ATG3: variants seen among roughly 807,000 people sequenced by gnomAD.
The protein encoded by ATG3 is ubiquitin-like-conjugating enzyme ATG3.
In ATG3, 25 loss-of-function variants were observed where a neutral mutation model predicts 50.7. That is an observed-to-expected ratio of 0.49 (90% confidence interval 0.36 to 0.69). ATG3 has a LOEUF of 0.69. Ranked by LOEUF, ATG3 falls within the 30% of genes least tolerant of loss-of-function variation. The pLI is 0.00. For missense variants in ATG3, 281 were observed against 376.0 expected (o/e 0.75, Z 2.09); for synonymous variants, 119 against 125.5 (o/e 0.95, Z 0.34).
intron 5 of ATG3, among the ~76,000 whole-genome samples, chr3:112,546,208 T>C (rs1318396618): frequency 2.6e-5 from 4 of 152,150 alleles, no homozygotes; most frequent in African/African-American, 4.8e-5. Context: ...TCTATACCTA[T>C]ACCTATGCAA....
chr3:112,549,766 G>A (rs1352904647), intron 4 of ATG3, among the ~76,000 whole-genome samples: 17 of 145,860 alleles, frequency 1.2e-4, no homozygotes, highest in Non-Finnish European at 3.0e-5. Context: ...CTCTAGCCTG[G>A]GCAACAAAGT....
intron 5 of ATG3, 145 bp from the exon 6 acceptor site, chr3:112,544,251 C>A: frequency 1.6e-6 from 1 of 623,252 alleles, no homozygotes; most frequent in South Asian, 2.5e-5. Flanking sequence ...TACAAATGAA[C>A]TCTAATGAGA....
intron 11 of ATG3, chr3:112,533,861 A>C: frequency 2.0e-6 from 2 of 997,158 alleles, no homozygotes; most frequent in Non-Finnish European, 2.4e-6. Context: ...GTAGTACATT[A>C]CTTTTAATTA....
chr3:112,537,901 T>C lies in ATG3; in HGVS notation c.511-11A>G. ...TGTATCTAGGGTAGCCTGAAAATAA[T>C]AAAAGAGAAAAATTTACAACCATTA... On this transcript the variant is annotated splice_polypyrimidine_tract_variant and intron_variant, in intron 8 of 11. Transcript: ENST00000283290. 6.3e-7 allele frequency: 1 copy of C among 1,583,862 alleles called. No individual in the cohort carries two copies.
Position 112,550,275 on chromosome 3 carries a change from TG to T in ATG3, c.165-14del, listed in dbSNP as rs773639890. ...TTCCCCTGTAGCCCTTTAAAAACAG[TG>T]AAAAGCACCAAAATACAAAACATAT... On this transcript the variant is annotated splice_polypyrimidine_tract_variant and intron_variant, in intron 3 of 11. Coordinates refer to ENST00000283290, the MANE Select transcript of ATG3 (RefSeq NM_022488.5). The T allele has an allele frequency of 1.3e-6, 2 of 1,597,742 alleles. No homozygotes were observed. Among genetic ancestry groups the T allele is most frequent in the Admixed American group, 3.4e-5 (2 of 59,044 alleles).
intron 5 of ATG3, among the ~76,000 whole-genome samples, chr3:112,545,856 C>T (rs564421791): frequency 2.6e-5 from 4 of 152,214 alleles, no homozygotes; most frequent in African/African-American, 9.6e-5. Flanking sequence ...TGGTCAAACA[C>T]CATTCTAGAT....
chr3:112,534,315 T>C lies in ATG3; in HGVS notation c.817A>G (p.Ile273Val), dbSNP rs772358631. Residue 273 changes from isoleucine to valine, a missense_variant, in exon 11 of 12, where the codon ATC becomes GTC. Physicochemically the swap from Ile to Val is conservative, Grantham distance 29 (BLOSUM62 3). Coordinates refer to ENST00000283290, the MANE Select transcript of ATG3 (RefSeq NM_022488.5). ...CCTCCTTCTGCAACAGTCTCAATGA[T>C]TTTCTTCATCACCTCAGCATGCCTA... The part of the protein sequence containing the change: ...PCRHAEVMKK[I>V]IETVAEGGGE... 6.3e-7 allele frequency: 1 copy of C among 1,588,992 alleles called. No homozygotes were observed. The highest frequency in any genetic ancestry group is 1.2e-5 in the South Asian group (1 of 86,274).
chr3:112,556,230 G>A (rs1322558966), intron 2 of ATG3, among the ~76,000 whole-genome samples: 2 of 152,264 alleles, frequency 1.3e-5, no homozygotes, highest in Non-Finnish European at 1.5e-5. Flanking sequence ...CCTCGGCAGG[G>A]ATAGTTTAAC....
chr3:112,548,945 T>C (rs1477868024), intron 4 of ATG3, among the ~76,000 whole-genome samples: 1 of 152,246 alleles, frequency 6.6e-6, no homozygotes, highest in Non-Finnish European at 1.5e-5. Flanking sequence ...CAGAGATACA[T>C]ATCATAGTTC....
chr3:112,544,153 C>T (rs753636434), intron 5 of ATG3, 47 bp from the exon 6 acceptor site: 2 of 1,436,602 alleles, frequency 1.4e-6, no homozygotes, highest in South Asian at 1.2e-5. Context: ...AAACTGTAAA[C>T]ACCCTATTTA....
intron 3 of ATG3, among the ~76,000 whole-genome samples, chr3:112,552,570 G>A (rs1374565498): frequency 6.6e-6 from 1 of 150,992 alleles, no homozygotes; most frequent in Non-Finnish European, 1.5e-5. Context: ...ACATAAAACT[G>A]CAAAATCTCT....
At chr3:112,559,138 T>C (rs1476536799) in intron 1 of ATG3, among the ~76,000 whole-genome samples, 2 of 152,242 alleles carry the variant, frequency 1.3e-5, no homozygotes, top group East Asian at 3.8e-4. Flanking sequence ...ACAGCAAAAA[T>C]GTCTTAAAGA....
At position 112,550,234 on chromosome 3, in the gene ATG3, C is replaced by G. The variant is rs141154702; in HGVS notation, c.193G>C (p.Ala65Pro). ...AATTGTTTGCCTGTTGGTAGGTATG[C>G]CTTCACTTTCAATTCTTCCCCTGTA... ...WATGEELKVK[A>P]YLPTGKQFLV... Residue 65 changes from alanine to proline, a missense_variant, in exon 4 of 12, where the codon GCA becomes CCA. Physicochemically the swap from Ala to Pro is conservative, Grantham distance 27. Around this residue, in one of 3 missense-constraint regions of ATG3, gnomAD observed 242 missense variants for 305.0 expected, o/e 0.79. Transcript: ENST00000283290. 3.7e-6 allele frequency: 6 copies of G among 1,612,732 alleles called. No individual in the cohort carries two copies. The African/African-American group carries it at 6.7e-5, about 18-fold the overall frequency.
chr3:112,561,707 G>T lies in ATG3; in HGVS notation c.-179C>A. On this transcript the variant is annotated 5_prime_UTR_variant, in exon 1 of 12. Coordinates refer to ENST00000283290, the MANE Select transcript of ATG3 (RefSeq NM_022488.5). ...GCGGGACGAGGGGGCGGGGCGGCAG[G>T]CACAGCGCGCGAAGACGGGGTGCGC... is the stretch of plus-strand genomic sequence containing the variant. The T allele has an allele frequency of 1.6e-6, 1 of 626,846 alleles. No homozygotes were observed. The highest frequency in any genetic ancestry group is 2.6e-6 in the Non-Finnish European group (1 of 377,994). The allele number at this position is 626,846 out of a possible 1,614,324, so 38.8% of individuals were successfully genotyped here.
At chr3:112,556,395 G>C (rs1933682467) in intron 2 of ATG3, among the ~76,000 whole-genome samples, 1 of 148,590 alleles carries the variant, frequency 6.7e-6, no homozygotes, top group South Asian at 2.2e-4. Flanking sequence ...CCATCCGGGA[G>C]GGAGGTGGGG....
At position 112,558,540 on chromosome 3, in the gene ATG3, T is replaced by A. The variant is rs536095568; in HGVS notation, c.73-123A>T. 1.4e-4 allele frequency: 100 copies of A among 710,734 alleles called. No individual in the cohort carries two copies. In the African/African-American group the frequency reaches 1.7e-3, roughly 12 times the overall value. 44.0% of individuals were successfully genotyped at this position (710,734 alleles called of 1,614,324 possible). A position where few individuals can be genotyped will look rare whatever the true frequency, so the allele number is the denominator to read the frequency against. On this transcript the variant is annotated intron_variant, in intron 1 of 11. Transcript: ENST00000283290. ...TAGAGCACATACAAAAAAAAATTAG[T>A]CTATCTATCTAATCTATAATCTATC...
chr3:112,538,149 A>T lies in ATG3; in HGVS notation c.507T>A (p.Asp169Glu). Residue 169 changes from aspartate (D) to glutamate (E), a missense_variant, in exon 8 of 12, where the codon GAT becomes GAA. Around this residue, in one of 3 missense-constraint regions of ATG3, gnomAD observed 242 missense variants for 305.0 expected, o/e 0.79. Transcript: ENST00000283290. ...EYEESGLLET[D>E]EATLDTRKIV... ...AAAGAAAACTCAATTTACAAACCTC[A>T]TCTGTTTCCAACAATCCACTCTCTT... The T allele has an allele frequency of 6.3e-7, 1 of 1,581,002 alleles. No individual in the cohort carries two copies. Among genetic ancestry groups the T allele is most frequent in the Non-Finnish European group, 8.6e-7 (1 of 1,159,766 alleles).
chr3:112,559,944 TA>T (rs893215912), intron 1 of ATG3, among the ~76,000 whole-genome samples: 6 of 152,224 alleles, frequency 3.9e-5, no homozygotes, highest in African/African-American at 1.4e-4. Context: ...TTGCCCTCCC[TA>T]AGCAGGAAAC....
At chr3:112,556,770 G>A (rs1576728756) in intron 2 of ATG3, among the ~76,000 whole-genome samples, 1 of 151,666 alleles carries the variant, frequency 6.6e-6, no homozygotes, top group Non-Finnish European at 1.5e-5. Context: ...TCCACTCAGG[G>A]TTGAATGGAT....
Sources: gnomAD v4.1 joint callset for allele counts (sites outside exome capture counted in the v4.1 genomes callset) on GRCh38, gnomAD v4.1.1 for gene constraint, gnomAD v4.1.1 regional missense constraint, MANE v1.5 for transcripts, NCBI Gene and HGNC (gene_info 2026-07-23, HGNC 2026-07-21) for gene names.